The following DLGAP4 variants were observed in gnomAD, a reference collection of about 807,000 sequenced individuals.
DLGAP4 encodes DLG associated protein 4, also known as disks large-associated protein 4.
Under a neutral mutation model 86.9 loss-of-function variants are expected in DLGAP4, and 18 were observed. The ratio of observed to expected loss-of-function variants is 0.21; its 90% CI spans 0.14 to 0.31. The LOEUF is 0.31. Among genes scored for constraint, DLGAP4 ranks in the 10% least tolerant of loss-of-function variants. DLGAP4 has a pLI of 1.00. For synonymous variants in DLGAP4, 548 were observed against 574.3 expected, an observed-to-expected ratio of 0.95 and a Z score of 0.65; for missense variants, 1,085 against 1,362.6, an observed-to-expected ratio of 0.80 and a Z score of 3.21.
At chr20:36,442,341 T>A (rs2033470821) in intron 5 of DLGAP4, among the ~76,000 whole-genome samples, 1 of 152,160 alleles carries the variant, frequency 6.6e-6, no homozygotes, top group South Asian at 2.1e-4. Context: ...ATTATAGGCA[T>A]GTGCCACCAT....
At chr20:36,419,980 CAGG>C (rs2032776013) in intron 2 of DLGAP4, among the ~76,000 whole-genome samples, 1 of 150,410 alleles carries the variant, frequency 6.6e-6, no homozygotes, top group Non-Finnish European at 1.5e-5. Context: ...ATATTCCCAG[CAGG>C]AGGAGTTGTA....
At chr20:36,520,711 CT>C (rs897704873) in intron 10 of DLGAP4, among the ~76,000 whole-genome samples, 13 of 151,748 alleles carry the variant, frequency 8.6e-5, no homozygotes, top group Admixed American at 8.5e-4. Flanking sequence ...AGTTTATCTG[CT>C]TTTTTTTCCC....
Position 36,518,381 on chromosome 20 carries a change from T to C in DLGAP4, c.2513-5869T>C, listed in dbSNP as rs115630180. 6.3e-3 allele frequency among the ~76,000 whole-genome samples: 960 copies of C among 152,266 alleles called. 10 individuals are homozygous for C. Among genetic ancestry groups the C allele is most frequent in the African/African-American group, 0.022 (932 of 41,578 alleles). ...ATCTTGATCAGTCTGACAGGGTTTGTTAATTTTATTAATCCTCTTATTTTT... is the reference window on the plus strand; with the variant it reads ...ATCTTGATCAGTCTGACAGGGTTTGCTAATTTTATTAATCCTCTTATTTTT... On this transcript the variant is annotated intron_variant, in intron 10 of 12. Coordinates refer to ENST00000339266, the MANE Select transcript of DLGAP4 (RefSeq NM_001365621.2).
At chr20:36,313,991 C>A (rs2147334599) in intron 1 of DLGAP4, among the ~76,000 whole-genome samples, 1 of 152,294 alleles carries the variant, frequency 6.6e-6, no homozygotes, top group East Asian at 1.9e-4. Context: ...CCCCACCTGA[C>A]CTACAGCTCC....
chr20:36,387,507 T>G (rs1402904801), intron 2 of DLGAP4, among the ~76,000 whole-genome samples: 1 of 152,216 alleles, frequency 6.6e-6, no homozygotes, highest in Non-Finnish European at 1.5e-5. Context: ...TTGGGGGTAG[T>G]AAAATTTATT....
chr20:36,483,108 A>G (rs1425041714), intron 7 of DLGAP4, among the ~76,000 whole-genome samples: 1 of 152,200 alleles, frequency 6.6e-6, no homozygotes, highest in Non-Finnish European at 1.5e-5. Context: ...GGGACCACTG[A>G]GCAGAGCTCT....
At chr20:36,354,033 A>G (rs1438859968) in intron 1 of DLGAP4, among the ~76,000 whole-genome samples, 1 of 152,204 alleles carries the variant, frequency 6.6e-6, no homozygotes, top group Non-Finnish European at 1.5e-5. Context: ...TGGAGAACAA[A>G]ACGGGAGGCC....
At chr20:36,404,558 C>T (rs191767948) in intron 2 of DLGAP4, among the ~76,000 whole-genome samples, 224 of 152,304 alleles carry the variant, frequency 1.5e-3, no homozygotes, top group Non-Finnish European at 2.3e-3. Context: ...ATCTCCCCTT[C>T]CAGCGAGCTT....
At position 36,321,191 on chromosome 20, in the gene DLGAP4, C is replaced by A. The variant is rs117120683; in HGVS notation, c.-304+14679C>A. 6.1e-3 allele frequency among the ~76,000 whole-genome samples: 929 copies of A among 152,276 alleles called. 8 individuals carry two copies. The highest frequency in any genetic ancestry group is 0.01 in the Middle Eastern group (3 of 294). ...GAGGAGGGAGTGGTCCAAGCTGACA[C>A]CCGTTGGTTAAGTGAGAGTGAGCCC... On this transcript the variant is annotated intron_variant, in intron 1 of 12. Coordinates refer to ENST00000339266, the MANE Select transcript of DLGAP4 (RefSeq NM_001365621.2).
chr20:36,471,301 C>G (rs1158920069), intron 7 of DLGAP4, among the ~76,000 whole-genome samples: 1 of 152,066 alleles, frequency 6.6e-6, no homozygotes, highest in East Asian at 1.9e-4. Flanking sequence ...TCTACTCGAC[C>G]TGGCCAATAT....
chr20:36,366,381 A>T (rs1029106500), intron 1 of DLGAP4, among the ~76,000 whole-genome samples: 1 of 152,032 alleles, frequency 6.6e-6, no homozygotes, highest in Non-Finnish European at 1.5e-5. Flanking sequence ...TGATTTAAAG[A>T]TCCAGGCAGG....
rs1021965107 is a variant in DLGAP4 at position 36,432,125 on chromosome 20, T to A, written c.408T>A (p.Pro136=). 2 of 1,614,052 alleles carry A rather than the reference T, an allele frequency of 1.2e-6. No homozygotes were observed. The highest frequency in any genetic ancestry group is 1.7e-6 in the Non-Finnish European group (2 of 1,180,032). ...RGEAKARGES[P]GRIRHLVHSV... ...AGGCCAAGGCCCGTGGTGAGAGCCCTGGCCGCATCCGCCACCTGGTCCACT... is the reference window on the plus strand; with the variant it reads ...AGGCCAAGGCCCGTGGTGAGAGCCCAGGCCGCATCCGCCACCTGGTCCACT... The change falls in exon 3 of 13, where the codon CCT becomes CCA. Residue 136 remains proline (P), a synonymous_variant. Coordinates refer to ENST00000339266, the MANE Select transcript of DLGAP4 (RefSeq NM_001365621.2). This position sits in a 1 kb window ranked among gnomAD's most constrained non-coding sequence, Gnocchi z 6.5.
chr20:36,463,345 C>T (rs950018583), intron 7 of DLGAP4, among the ~76,000 whole-genome samples: 1 of 152,174 alleles, frequency 6.6e-6, no homozygotes, highest in Non-Finnish European at 1.5e-5. Flanking sequence ...TCTGTAGACA[C>T]GCTTTGTGAA....
At chr20:36,444,346 C>T (rs1305868238) in intron 6 of DLGAP4, among the ~76,000 whole-genome samples, 1 of 152,128 alleles carries the variant, frequency 6.6e-6, no homozygotes, top group Non-Finnish European at 1.5e-5. Flanking sequence ...TGCAGTGGTG[C>T]GATCATGGCT....
rs2033039848 is a variant in DLGAP4, at chr20:36,428,451, G to T, written c.-72-3195G>T. ...AGAAATCCTGAAGGGTGTGAGCTTG[G>T]CTGGCAGGTGGACAGTAAGAGATGG... On this transcript the variant is annotated intron_variant, in intron 2 of 12. Transcript: ENST00000339266. Among the ~76,000 whole-genome samples, 3 of 152,270 alleles carry T rather than the reference G, an allele frequency of 2.0e-5. No individual in the cohort carries two copies. In the East Asian group the frequency reaches 5.8e-4, roughly 29 times the overall value.
chr20:36,352,733 A>C (rs905802421), intron 1 of DLGAP4, among the ~76,000 whole-genome samples: 1 of 151,888 alleles, frequency 6.6e-6, no homozygotes. Context: ...GGAGATGTCT[A>C]GAGTTTGGGG....
At chr20:36,506,888 A>G (rs965341047) in intron 10 of DLGAP4, among the ~76,000 whole-genome samples, 2 of 152,170 alleles carry the variant, frequency 1.3e-5, no homozygotes, top group African/African-American at 4.8e-5. Flanking sequence ...TGACTATTCT[A>G]GCTACTTCAT....
In DLGAP4 at chr20:36,432,316, A is replaced by G. The variant is rs751046887; in HGVS notation, c.599A>G (p.Asn200Ser). The G allele has an allele frequency of 2.5e-6, 4 of 1,613,754 alleles. No homozygotes were observed. The highest frequency in any genetic ancestry group is 1.1e-5 in the South Asian group (1 of 91,078). The part of the protein sequence containing the change: ...AGEPKRRSRS[N>S]ISGWWSSDDN... ...GAGCCCAAACGGCGCAGCCGCTCCAACATCTCAGGCTGGTGGAGCTCCGAT... is the reference window on the plus strand; with the variant it reads ...GAGCCCAAACGGCGCAGCCGCTCCAGCATCTCAGGCTGGTGGAGCTCCGAT... Residue 200 changes from asparagine to serine, a missense_variant, in exon 3 of 13, where the codon AAC becomes AGC. Asn to Ser is a conservative substitution (Grantham distance 46). This residue lies in a region of DLGAP4 where 1,082 missense variants were observed against 1,344.1 expected (regional missense o/e 0.81). Coordinates refer to ENST00000339266, the MANE Select transcript of DLGAP4 (RefSeq NM_001365621.2). The surrounding 1 kb of genome is among the most constrained non-coding windows in gnomAD (Gnocchi z 6.5).
chr20:36,474,584 G>A (rs979127609), intron 7 of DLGAP4, among the ~76,000 whole-genome samples: 2 of 152,226 alleles, frequency 1.3e-5, no homozygotes, highest in Non-Finnish European at 2.9e-5. Flanking sequence ...CCTGCACAGG[G>A]ATGCAGTAAT....
Sources: allele counts gnomAD v4.1 joint callset (sites outside exome capture counted in the v4.1 genomes callset), GRCh38; gene constraint gnomAD v4.1.1; regional missense constraint gnomAD v4.1.1; non-coding constraint Gnocchi (gnomAD v3.1); transcripts MANE v1.5; gene names NCBI Gene and HGNC (gene_info 2026-07-23, HGNC 2026-07-21).